Variants in MCM10 observed in about 807,000 individuals in gnomAD.
MCM10 encodes protein MCM10 homolog.
MCM10 carries 91 observed loss-of-function variants against 109.9 expected under a neutral mutation model. The ratio of observed to expected loss-of-function variants is 0.83; its 90% CI spans 0.70 to 0.99. MCM10 has a LOEUF of 0.99. MCM10 is among the 50% of genes least tolerant of loss of function. MCM10 has a pLI of 0.00. For missense variants in MCM10, 1,077 were observed against 1,061.2 expected (o/e 1.01, Z -0.21); for synonymous variants, 380 against 387.2 (o/e 0.98, Z 0.22).
chr10:13,205,274 A>G (rs1009475344), intron 18 of MCM10, among the ~76,000 whole-genome samples: 1 of 152,076 alleles, frequency 6.6e-6, no homozygotes, highest in African/African-American at 2.4e-5. Context: ...AAGTGGGTAC[A>G]TGCAGTATTT....
chr10:13,186,327 G>T, intron 9 of MCM10, 47 bp downstream of exon 9: 1 of 1,304,868 alleles, frequency 7.7e-7, no homozygotes, highest in East Asian at 2.3e-5. Context: ...GAAAAGAACA[G>T]TTAGGAATAA....
intron 17 of MCM10, chr10:13,201,752 C>T (rs1834503452): frequency 1.9e-6 from 1 of 526,360 alleles, no homozygotes; most frequent in Non-Finnish European, 3.4e-6. Flanking sequence ...GGATTCTTCT[C>T]TCATTTGACC....
At chr10:13,165,096 T>C (rs1238166403) in intron 2 of MCM10, among the ~76,000 whole-genome samples, 1 of 152,208 alleles carries the variant, frequency 6.6e-6, no homozygotes, top group African/African-American at 2.4e-5. Context: ...TCCCAGCAGA[T>C]GCCTGAAACC....
intron 11 of MCM10, among the ~76,000 whole-genome samples, chr10:13,191,976 T>C (rs1834353679): frequency 6.6e-6 from 1 of 152,228 alleles, no homozygotes; most frequent in East Asian, 1.9e-4. Flanking sequence ...CAGGGACCCT[T>C]ATCCTTAGCG....
At chr10:13,204,718 T>G (rs1301265630) in intron 18 of MCM10, among the ~76,000 whole-genome samples, 6 of 152,120 alleles carry the variant, frequency 3.9e-5, no homozygotes, top group Non-Finnish European at 8.8e-5. Context: ...ATTTGATCAT[T>G]TTAAATGTCT....
Position 13,164,168 on chromosome 10 carries a change from T to C in MCM10, c.-35T>C, listed in dbSNP as rs1167138902. On this transcript the variant is annotated 5_prime_UTR_variant, in exon 2 of 20. Transcript: ENST00000378714. ...GCTCATCTGGGCATCTGAGCCTCCTTCGAAGTTTCCTGTCACAACTGTCCT... is the reference window on the plus strand; with the variant it reads ...GCTCATCTGGGCATCTGAGCCTCCTCCGAAGTTTCCTGTCACAACTGTCCT... 6.4e-7 allele frequency: 1 copy of C among 1,573,222 alleles called. No individual in the cohort carries two copies. The highest frequency in any genetic ancestry group is 2.3e-5 in the East Asian group (1 of 42,922).
intron 10 of MCM10, among the ~76,000 whole-genome samples, chr10:13,189,697 C>T (rs1208202163): frequency 1.3e-5 from 2 of 152,064 alleles, no homozygotes; most frequent in Non-Finnish European, 2.9e-5. Context: ...GTGTTAACAC[C>T]CTTTTAATTA....
Position 13,164,186 on chromosome 10 carries a change from A to G in MCM10, c.-17A>G, listed in dbSNP as rs1226789012. ...GCCTCCTTCGAAGTTTCCTGTCACA[A>G]CTGTCCTCTTGACAGCATGGATGGT... On this transcript the variant is annotated 5_prime_UTR_variant, in exon 2 of 20. Transcript: ENST00000378714. 3 of 1,588,554 alleles carry G rather than the reference A, an allele frequency of 1.9e-6. No individual in the cohort carries two copies. Among genetic ancestry groups the G allele is most frequent in the African/African-American group, 1.4e-5 (1 of 73,562 alleles).
chr10:13,192,758 C>T (rs564833806), intron 13 of MCM10, among the ~76,000 whole-genome samples, 190 bp downstream of exon 13: 1 of 146,808 alleles, frequency 6.8e-6, no homozygotes, highest in East Asian at 1.9e-4. Context: ...TGGTGACTCC[C>T]AACACCAAAT....
At chr10:13,202,367 AAG>A (rs1200432603) in intron 17 of MCM10, among the ~76,000 whole-genome samples, 1 of 152,108 alleles carries the variant, frequency 6.6e-6, no homozygotes, top group East Asian at 1.9e-4. Context: ...AAAAAGAAAA[AAG>A]ACAAGAAAGA....
intron 1 of MCM10, 22 bp downstream of exon 1, chr10:13,161,628 C>G (rs937275791): frequency 6.6e-6 from 1 of 152,352 alleles, no homozygotes; most frequent in Non-Finnish European, 1.5e-5. Flanking sequence ...GGGCCCCGGG[C>G]GTGCGTGTGA....
chr10:13,178,039 A>G (rs151003478), intron 6 of MCM10, among the ~76,000 whole-genome samples: 7 of 152,230 alleles, frequency 4.6e-5, no homozygotes, highest in African/African-American at 1.7e-4. Flanking sequence ...CCAATGTCCT[A>G]GAGAGTTTCC....
At chr10:13,174,557 G>C (rs574051453) in intron 5 of MCM10, among the ~76,000 whole-genome samples, 4 of 152,120 alleles carry the variant, frequency 2.6e-5, no homozygotes, top group Non-Finnish European at 1.5e-5. Flanking sequence ...CAGTATTATA[G>C]AGTGGAACTA....
At chr10:13,183,438 C>CA (rs906479665) in intron 8 of MCM10, among the ~76,000 whole-genome samples, 15 of 149,294 alleles carry the variant, frequency 1.0e-4, no homozygotes, top group South Asian at 6.4e-4. Context: ...GACCCCATCT[C>CA]AAAAAAAAAG....
chr10:13,180,363 A>C (rs551603794), intron 6 of MCM10, 79 bp from the exon 7 acceptor site: 3 of 1,309,976 alleles, frequency 2.3e-6, no homozygotes, highest in South Asian at 2.9e-5. Context: ...TGACCATCAC[A>C]CTCCCTTACC....
chr10:13,178,565 C>T (rs1244327186), intron 6 of MCM10, among the ~76,000 whole-genome samples: 1 of 152,122 alleles, frequency 6.6e-6, no homozygotes, highest in South Asian at 2.1e-4. Flanking sequence ...TTTATGGATT[C>T]GTTTCTGGTT....
intron 2 of MCM10, among the ~76,000 whole-genome samples, chr10:13,166,810 T>C (rs1392557011): frequency 6.6e-6 from 1 of 151,776 alleles, no homozygotes; most frequent in East Asian, 1.9e-4. Flanking sequence ...TAAGCAGTGC[T>C]GAATGCTTGT....
Position 13,189,053 on chromosome 10 carries a change from T to C in MCM10, c.1388T>C (p.Val463Ala). The change falls in exon 10 of 20, where the codon GTT (valine) becomes GCT (alanine). Residue 463 changes from valine (V) to alanine (A), a missense_variant. Transcript: ENST00000378714. The part of the protein sequence containing the change: ...LCQDGFYYGG[V>A]SSASYAASIA... Reference sequence around the variant, plus strand: ...CAAGATGGCTTTTACTACGGAGGGGTTTCTTCTGCCTCGTATGCAGCTTCA... The same window carrying C: ...CAAGATGGCTTTTACTACGGAGGGGCTTCTTCTGCCTCGTATGCAGCTTCA... 6.2e-7 allele frequency: 1 copy of C among 1,614,148 alleles called. No homozygotes were observed. The highest frequency in any genetic ancestry group is 8.5e-7 in the Non-Finnish European group (1 of 1,180,036).
chr10:13,179,772 A>G (rs1834185999), intron 6 of MCM10, among the ~76,000 whole-genome samples: 1 of 152,224 alleles, frequency 6.6e-6, no homozygotes, highest in Non-Finnish European at 1.5e-5. Flanking sequence ...AAATTCTTGC[A>G]TAATCGATGA....
Sources: allele counts gnomAD v4.1 joint callset (sites outside exome capture counted in the v4.1 genomes callset), GRCh38; gene constraint gnomAD v4.1.1; transcripts MANE v1.5; gene names NCBI Gene and HGNC (gene_info 2026-07-23, HGNC 2026-07-21).